Variants in NTAQ1 observed in about 807,000 individuals in gnomAD.
NTAQ1 encodes the protein protein N-terminal glutamine amidohydrolase.
NTAQ1 carries 21 observed loss-of-function variants against 28.2 expected under a neutral mutation model. That is an observed-to-expected ratio of 0.74 (90% CI 0.53 to 1.07). The LOEUF is 1.07. NTAQ1 is among the 50% of genes least tolerant of loss of function. NTAQ1 has a pLI of 0.00. For synonymous variants in NTAQ1, 105 were observed against 90.0 expected, an observed-to-expected ratio of 1.17 and a Z score of -0.94; for missense variants, 264 against 256.6, an observed-to-expected ratio of 1.03 and a Z score of -0.20.
chr8:123,432,179 CCT>C (rs1156996286), intron 3 of NTAQ1, among the ~76,000 whole-genome samples: 1 of 152,174 alleles, frequency 6.6e-6, no homozygotes, highest in Non-Finnish European at 1.5e-5. Context: ...ATCCTGAACC[CCT>C]TTCTAGATTT....
At chr8:123,444,036 T>A (rs954521079), downstream of NTAQ1, among the ~76,000 whole-genome samples, 14 of 147,138 alleles carry the variant, frequency 9.5e-5, no homozygotes, top group African/African-American at 3.6e-4. Context: ...TGTGCTTAAT[T>A]TTTCTATTTA....
At chr8:123,433,605 G>A (rs1814524077) in intron 3 of NTAQ1, among the ~76,000 whole-genome samples, 2 of 152,110 alleles carry the variant, frequency 1.3e-5, no homozygotes, top group South Asian at 2.1e-4. Flanking sequence ...ATGCCACCAT[G>A]CCCGGCTCGT....
At chr8:123,471,981 A>G (rs572502680), downstream of NTAQ1, among the ~76,000 whole-genome samples, 10 of 152,354 alleles carry the variant, frequency 6.6e-5, no homozygotes, top group East Asian at 1.3e-3. Context: ...AATCATGCCT[A>G]GAGAACTTTT....
At chr8:123,473,961 A>G (rs1322927261), downstream of NTAQ1, among the ~76,000 whole-genome samples, 1 of 152,170 alleles carries the variant, frequency 6.6e-6, no homozygotes, top group Non-Finnish European at 1.5e-5. Context: ...TATCATTGGT[A>G]TGCAAGACAC....
chr8:123,436,530 TC>T lies in NTAQ1; in HGVS notation c.315del (p.Cys106AlafsTer7), dbSNP rs763560513. On this transcript the variant is annotated frameshift_variant, in exon 4 of 6. Coordinates refer to ENST00000287387, the MANE Select transcript of NTAQ1 (RefSeq NM_018024.3). LOFTEE classifies it high-confidence loss of function. ...IYDLDTVLPF[P>X]CLFDTYVEDA... The stretch of plus-strand genomic sequence containing the variant: ...ATGATCTCGATACTGTCTTGCCATT[TC>T]CCTGCCTCTTTGACACTTATGTAGA... The T allele has an allele frequency of 6.2e-7, 1 of 1,614,100 alleles. No individual in the cohort carries two copies. Among genetic ancestry groups the T allele is most frequent in the Admixed American group, 1.7e-5 (1 of 60,014 alleles).
At chr8:123,430,055 G>A (rs1814305618) in intron 3 of NTAQ1, 22 bp downstream of exon 3, 4 of 1,604,194 alleles carry the variant, frequency 2.5e-6, no homozygotes, top group African/African-American at 1.3e-5. Context: ...AATACAGAGA[G>A]TATTGACGCA....
chr8:123,461,549 G>A (rs1043893070), intron 6 of NTAQ1, among the ~76,000 whole-genome samples: 4 of 152,092 alleles, frequency 2.6e-5, no homozygotes, highest in African/African-American at 9.7e-5. Flanking sequence ...CTTAGCCCCA[G>A]CCTGGTGTTG....
intron 6 of NTAQ1, among the ~76,000 whole-genome samples, chr8:123,460,266 C>T (rs1216564553): frequency 2.0e-5 from 3 of 152,138 alleles, no homozygotes; most frequent in African/African-American, 7.2e-5. Flanking sequence ...ATTATTAGTC[C>T]TTACAATAAC....
intron 3 of NTAQ1, among the ~76,000 whole-genome samples, chr8:123,430,593 C>T (rs1292094768): frequency 6.6e-6 from 1 of 152,172 alleles, no homozygotes; most frequent in Non-Finnish European, 1.5e-5. Flanking sequence ...GTCTGGCCAA[C>T]ATGGCAAAAC....
chr8:123,468,467 T>G (rs1156426770), exon 7 of NTAQ1, among the ~76,000 whole-genome samples: 1 of 152,232 alleles, frequency 6.6e-6, no homozygotes, highest in African/African-American at 2.4e-5. Flanking sequence ...TCATAAAGCA[T>G]TTATCTGCAT....
rs138677059 is a variant in NTAQ1, at chr8:123,440,338, T to G, written c.509-968T>G. Among the ~76,000 whole-genome samples the G allele has an allele frequency of 5.5e-3, 830 of 151,658 alleles. 12 individuals are homozygous for G. The highest frequency in any genetic ancestry group is 0.019 in the African/African-American group (799 of 41,294). Reference sequence around the variant, plus strand: ...ACCTGGCTAGTTTTTGTATTTTTAGTAGAGACGGGGTTTCACCACGTTGGC... The same window carrying G: ...ACCTGGCTAGTTTTTGTATTTTTAGGAGAGACGGGGTTTCACCACGTTGGC... On this transcript the variant is annotated intron_variant, in intron 5 of 5. Coordinates refer to ENST00000287387, the MANE Select transcript of NTAQ1 (RefSeq NM_018024.3).
chr8:123,436,061 C>T (rs1293780817), intron 3 of NTAQ1, among the ~76,000 whole-genome samples: 3 of 149,898 alleles, frequency 2.0e-5, no homozygotes, highest in East Asian at 2.0e-4. Context: ...CCCAGCTACT[C>T]GGGAGGCTGA....
At chr8:123,441,156 A>T in intron 5 of NTAQ1, 150 bp from the exon 6 acceptor site, 1 of 620,388 alleles carries the variant, frequency 1.6e-6, no homozygotes, top group South Asian at 2.0e-5. Context: ...GATTGAAGTT[A>T]TACATTCAAG....
At chr8:123,451,077 TTTC>T (rs1391349950), downstream of NTAQ1, among the ~76,000 whole-genome samples, 5 of 152,128 alleles carry the variant, frequency 3.3e-5, no homozygotes, top group Non-Finnish European at 7.4e-5. Flanking sequence ...CCCCGTTAGG[TTTC>T]TTTTGGTGAG....
intron 6 of NTAQ1, among the ~76,000 whole-genome samples, chr8:123,455,703 G>C (rs2130397089): frequency 6.6e-6 from 1 of 152,130 alleles, no homozygotes; most frequent in Admixed American, 6.5e-5. Flanking sequence ...GAGATTACAG[G>C]CATGAGCCAC....
chr8:123,421,357 G>C (rs111781523), intron 1 of NTAQ1, among the ~76,000 whole-genome samples: 1 of 152,210 alleles, frequency 6.6e-6, no homozygotes, highest in East Asian at 1.9e-4. Flanking sequence ...TGGGATTACA[G>C]ATGTGAGCTA....
At chr8:123,468,216 A>C (rs1816002852) in exon 7 of NTAQ1, among the ~76,000 whole-genome samples, 1 of 152,242 alleles carries the variant, frequency 6.6e-6, no homozygotes, top group African/African-American at 2.4e-5. Context: ...AACTTTATTT[A>C]TGTATTTATC....
chr8:123,425,120 C>T (rs1053048296), intron 1 of NTAQ1, among the ~76,000 whole-genome samples: 49 of 151,870 alleles, frequency 3.2e-4, no homozygotes, highest in Middle Eastern at 3.4e-3. Flanking sequence ...TAGAGGTTGT[C>T]TCTCTCTGTC....
downstream of NTAQ1, among the ~76,000 whole-genome samples, chr8:123,446,407 A>G (rs907405383): frequency 4.6e-5 from 7 of 152,214 alleles, no homozygotes; most frequent in African/African-American, 7.2e-5. Context: ...TGCCACAACT[A>G]CTCAACTCTG....
Sources: allele counts gnomAD v4.1 joint callset (sites outside exome capture counted in the v4.1 genomes callset), GRCh38; gene constraint gnomAD v4.1.1; transcripts MANE v1.5; gene names NCBI Gene and HGNC (gene_info 2026-07-23, HGNC 2026-07-21).